ENAH: variants seen among roughly 807,000 people sequenced by gnomAD.
ENAH encodes the protein ENAH actin regulator, also known as protein enabled homolog.
ENAH carries 23 observed loss-of-function variants against 78.7 expected under a neutral mutation model. The observed-to-expected ratio is 0.29, with a 90% confidence interval of 0.21 to 0.41. The LOEUF (loss-of-function observed/expected upper bound fraction) is 0.41, where lower values mean the gene tolerates loss of function less well. ENAH is among the 10% of genes least tolerant of loss of function. ENAH has a pLI of 1.00. For missense variants in ENAH, 544 were observed against 691.0 expected, an observed-to-expected ratio of 0.79 and a Z score of 2.39; for synonymous variants, 226 against 241.0, an observed-to-expected ratio of 0.94 and a Z score of 0.58.
intron 2 of ENAH, among the ~76,000 whole-genome samples, chr1:225,557,452 GA>G (rs1171554474): frequency 6.6e-6 from 1 of 151,940 alleles, no homozygotes; most frequent in Non-Finnish European, 1.5e-5. Context: ...ATACAATGCT[GA>G]AAAAAAGTGT....
chr1:225,613,545 CTA>C (rs761558207), intron 1 of ENAH, among the ~76,000 whole-genome samples: 2 of 152,062 alleles, frequency 1.3e-5, no homozygotes, highest in African/African-American at 2.4e-5. Flanking sequence ...ATTTTTAACA[CTA>C]TTTTTAAATA....
chr1:225,541,117 G>T (rs575054324), intron 3 of ENAH, among the ~76,000 whole-genome samples: 1 of 152,140 alleles, frequency 6.6e-6, no homozygotes, highest in Non-Finnish European at 1.5e-5. Context: ...AGGGTAGAGG[G>T]TTTCTTTCTG....
chr1:225,498,183 T>C (rs2096260034), intron 13 of ENAH, among the ~76,000 whole-genome samples, 164 bp downstream of exon 13: 4 of 152,192 alleles, frequency 2.6e-5, no homozygotes, highest in Admixed American at 2.6e-4. Flanking sequence ...TTCCATTATA[T>C]GAAGGAGAAA....
At chr1:225,554,817 C>T in intron 3 of ENAH, 89 bp downstream of exon 3, 1 of 1,098,856 alleles carries the variant, frequency 9.1e-7, no homozygotes, top group Non-Finnish European at 1.3e-6. Flanking sequence ...ATACACATGG[C>T]ACTTCAGTTC....
intron 1 of ENAH, among the ~76,000 whole-genome samples, chr1:225,616,322 A>G (rs998898980): frequency 6.6e-6 from 1 of 151,812 alleles, no homozygotes; most frequent in Non-Finnish European, 1.5e-5. Context: ...AGAATGATCA[A>G]TAAATACTTA....
At chr1:225,573,249 A>C (rs2096772499) in intron 1 of ENAH, among the ~76,000 whole-genome samples, 1 of 152,236 alleles carries the variant, frequency 6.6e-6, no homozygotes, top group Non-Finnish European at 1.5e-5. Flanking sequence ...TGAATATGAC[A>C]ATATGTAGCA....
At chr1:225,638,303 T>C (rs1660418310) in intron 1 of ENAH, among the ~76,000 whole-genome samples, 2 of 152,078 alleles carry the variant, frequency 1.3e-5, no homozygotes, top group Admixed American at 1.3e-4. Flanking sequence ...GGACTACAGG[T>C]GTGCACCACC....
rs1242382350 is a variant in ENAH at position 225,491,778 on chromosome 1, C to T, written c.*5997G>A. ...TATGGAATTCAAAGTACCAACTATT[C>T]AATTCTCGATTTTCTAAGCCTTCTT... On this transcript the variant is annotated 3_prime_UTR_variant, in exon 14 of 14. Coordinates refer to ENST00000366843, the MANE Select transcript of ENAH (RefSeq NM_018212.6). The T allele has an allele frequency of 2.6e-5, 4 of 152,170 alleles. No individual in the cohort carries two copies. The highest frequency in any genetic ancestry group is 4.4e-5 in the Non-Finnish European group (3 of 68,026). The allele number at this position is 152,170 out of a possible 1,614,324, so 9.4% of individuals were successfully genotyped here.
rs182936087 is a variant in ENAH at position 225,567,899 on chromosome 1, C to G, written c.6-485G>C. On this transcript the variant is annotated intron_variant, in intron 1 of 13. Transcript: ENST00000366843. Reference sequence around the variant, plus strand: ...AACACCTTCTTTACTGAGAAAATTACTTTTATCCTCAGGCTTGCCCTAAAG... The same window carrying G: ...AACACCTTCTTTACTGAGAAAATTAGTTTTATCCTCAGGCTTGCCCTAAAG... Among the ~76,000 whole-genome samples, 134 of 152,228 alleles carry G rather than the reference C, an allele frequency of 8.8e-4. 1 individual carries two copies. Among genetic ancestry groups the G allele is most frequent in the African/African-American group, 3.2e-3 (134 of 41,546 alleles).
rs541127349 is a variant in ENAH, at chr1:225,577,867, T to G, written c.6-10453A>C. Among the ~76,000 whole-genome samples, 12 of 152,368 alleles carry G rather than the reference T, an allele frequency of 7.9e-5. No individual in the cohort carries two copies. The East Asian group carries it at 2.3e-3, about 29-fold the overall frequency. ...AATGTACCTACCACATGTAGTCATG[T>G]GTGCTTAGGAGTAATCTTTTTTTCA... On this transcript the variant is annotated intron_variant, in intron 1 of 13. Coordinates refer to ENST00000366843, the MANE Select transcript of ENAH (RefSeq NM_018212.6).
At chr1:225,582,479 C>T (rs2096823957) in intron 1 of ENAH, among the ~76,000 whole-genome samples, 1 of 152,170 alleles carries the variant, frequency 6.6e-6, no homozygotes, top group African/African-American at 2.4e-5. Context: ...ACAACTGGTC[C>T]TGGTCTGTGC....
intron 1 of ENAH, among the ~76,000 whole-genome samples, chr1:225,605,837 G>A (rs1366508300): frequency 6.6e-6 from 1 of 152,084 alleles, no homozygotes; most frequent in East Asian, 1.9e-4. Flanking sequence ...GAGAAGGAGA[G>A]CCATCTGCAA....
chr1:225,522,172 A>T (rs981037533), intron 4 of ENAH, among the ~76,000 whole-genome samples: 3 of 152,198 alleles, frequency 2.0e-5, no homozygotes, highest in Non-Finnish European at 4.4e-5. Context: ...CTAGTTAGAG[A>T]CAAAGCTAAA....
intron 1 of ENAH, among the ~76,000 whole-genome samples, chr1:225,570,385 T>C (rs745693054): frequency 4.6e-5 from 7 of 151,446 alleles, no homozygotes; most frequent in Non-Finnish European, 1.0e-4. Context: ...CACTTATACA[T>C]GGATTTTTTT....
chr1:225,548,096 A>T (rs531992626), intron 3 of ENAH, among the ~76,000 whole-genome samples: 51 of 152,248 alleles, frequency 3.3e-4, no homozygotes, highest in Non-Finnish European at 6.3e-4. Flanking sequence ...AAAAAAGAAA[A>T]CACCCAAAAG....
intron 1 of ENAH, among the ~76,000 whole-genome samples, chr1:225,569,280 T>A (rs1483391254): frequency 6.6e-6 from 1 of 152,218 alleles, no homozygotes; most frequent in Non-Finnish European, 1.5e-5. Context: ...TTTTTGCAGC[T>A]ACATTGTTTC....
At chr1:225,519,707 G>A in intron 4 of ENAH, 142 bp from the exon 5 acceptor site, 1 of 1,259,746 alleles carries the variant, frequency 7.9e-7, no homozygotes, top group Non-Finnish European at 1.1e-6. Context: ...CCACATGAAG[G>A]CTACCTTGGA....
chr1:225,595,458 C>A (rs1162502001), intron 1 of ENAH, among the ~76,000 whole-genome samples: 2 of 152,128 alleles, frequency 1.3e-5, no homozygotes, highest in Admixed American at 1.3e-4. Context: ...ACTCTCAGCT[C>A]TCCAACAGAA....
intron 1 of ENAH, among the ~76,000 whole-genome samples, chr1:225,591,696 C>T (rs1230865323): frequency 3.3e-5 from 4 of 122,338 alleles, no homozygotes; most frequent in Admixed American, 1.1e-4. Flanking sequence ...ACCCGGGAGG[C>T]GGAGGCTGCA....
Sources: allele counts gnomAD v4.1 joint callset (sites outside exome capture counted in the v4.1 genomes callset), GRCh38; gene constraint gnomAD v4.1.1; transcripts MANE v1.5; gene names NCBI Gene and HGNC (gene_info 2026-07-23, HGNC 2026-07-21).